The following EP400 variants were observed in gnomAD, a reference collection of about 807,000 sequenced individuals.
EP400 encodes E1A-binding protein p400.
EP400 carries 105 observed loss-of-function variants against 354.1 expected under a neutral mutation model. The observed-to-expected ratio is 0.30, with a 90% CI of 0.25 to 0.35. The LOEUF is 0.35. EP400 is among the 10% of genes least tolerant of loss of function. The probability of loss-of-function intolerance (pLI) is 1.00; values close to 1 mark genes in which losing one functional copy is unlikely to be tolerated. For missense variants in EP400, 3,280 were observed against 4,121.0 expected, an observed-to-expected ratio of 0.80 and a Z score of 5.59; for synonymous variants, 1,646 against 1,716.9, an observed-to-expected ratio of 0.96 and a Z score of 1.02.
chr12:131,961,046 C>T lies in EP400; in HGVS notation c.427C>T (p.Pro143Ser). ...GAGTCCCACGCAGCCCAGTCCGGGG[C>T]CGGGGCAGGCCTTGCAGAATGTGCG... ...TQSPTQPSPG[P>S]GQALQNVRAG... The change falls in exon 2 of 53, where the codon CCG becomes TCG. Residue 143 changes from proline (P) to serine (S), a missense_variant. Coordinates refer to ENST00000389561, the MANE Select transcript of EP400 (RefSeq NM_015409.5). 6.3e-7 allele frequency: 1 copy of T among 1,579,296 alleles called. No homozygotes were observed. The highest frequency in any genetic ancestry group is 8.6e-7 in the Non-Finnish European group (1 of 1,162,224).
At chr12:132,040,206 G>A (rs910693813) in intron 32 of EP400, among the ~76,000 whole-genome samples, 2 of 152,020 alleles carry the variant, frequency 1.3e-5, no homozygotes, top group African/African-American at 2.4e-5. Context: ...TCATCAAAAC[G>A]CAAAAGATAG....
At chr12:132,011,243 A>G (rs971613227) in intron 15 of EP400, among the ~76,000 whole-genome samples, 1 of 152,162 alleles carries the variant, frequency 6.6e-6, no homozygotes, top group African/African-American at 2.4e-5. Context: ...TGCTCGTTCA[A>G]TGTGTGTCTA....
rs967040719 is a variant in EP400 at position 132,028,109 on chromosome 12, C to G, written c.5202C>G (p.Asp1734Glu). 6.2e-7 allele frequency: 1 copy of G among 1,614,082 alleles called. No individual in the cohort carries two copies. Among genetic ancestry groups the G allele is most frequent in the Non-Finnish European group, 8.5e-7 (1 of 1,180,048 alleles). The change falls in exon 27 of 53, where the codon GAC becomes GAG. Residue 1734 changes from aspartate (D) to glutamate (E), a missense_variant. By Grantham distance (45) the Asp-to-Glu change is conservative. This residue lies in a region of EP400 where 459 missense variants were observed against 496.9 expected (regional missense o/e 0.92). Transcript: ENST00000389561. ...CTCAAGCTCCAGTCTATGGCAGAGA[C>G]TTGCTAAGGATTTGTGCCCTGCCTA... ...RCSQAPVYGRDLLRICALPSH... is the reference protein window; with the variant it reads ...RCSQAPVYGRELLRICALPSH...
intron 2 of EP400, among the ~76,000 whole-genome samples, chr12:131,978,368 A>G (rs1263398716): frequency 2.6e-5 from 4 of 152,042 alleles, no homozygotes; most frequent in African/African-American, 9.7e-5. Context: ...ACCGCCCTAG[A>G]AATGTCCCGT....
At chr12:132,021,586 C>T (rs1428783050) in intron 23 of EP400, among the ~76,000 whole-genome samples, 1 of 152,260 alleles carries the variant, frequency 6.6e-6, no homozygotes, top group Non-Finnish European at 1.5e-5. Flanking sequence ...TGCACTCACT[C>T]ACTGCTTTGG....
rs1304643957 is a variant in EP400 at position 132,062,669 on chromosome 12, G to C, written c.8302G>C (p.Ala2768Pro). 4 of 1,614,054 alleles carry C rather than the reference G, an allele frequency of 2.5e-6. No homozygotes were observed. In the African/African-American group the frequency reaches 5.3e-5, roughly 22 times the overall value. The change falls in exon 47 of 53, where the codon GCA becomes CCA. Residue 2768 changes from alanine (A) to proline (P), a missense_variant. Coordinates refer to ENST00000389561, the MANE Select transcript of EP400 (RefSeq NM_015409.5). ...PQIQGQAQSP[A>P]QIKAVGKLTP... ...GATCCAGGGCCAGGCCCAGTCCCCA[G>C]CACAGATCAAAGCTGTGGGCAAGCT... is the stretch of plus-strand genomic sequence containing the variant.
chr12:132,002,055 G>T (rs1281400122), intron 12 of EP400, among the ~76,000 whole-genome samples: 1 of 152,136 alleles, frequency 6.6e-6, no homozygotes, highest in Non-Finnish European at 1.5e-5. Flanking sequence ...GTTACTTTAG[G>T]CCTGACAGTG....
At chr12:132,032,819 C>T (rs1894566269) in intron 30 of EP400, among the ~76,000 whole-genome samples, 3 of 151,968 alleles carry the variant, frequency 2.0e-5, no homozygotes, top group South Asian at 2.1e-4. Flanking sequence ...TTAGTAGAGA[C>T]GGAGTTTTAC....
Position 132,018,416 on chromosome 12 carries a change from AG to A in EP400, c.4277+43del, listed in dbSNP as rs756861406. 1 of 1,565,530 alleles carries A rather than the reference AG, an allele frequency of 6.4e-7. No individual in the cohort carries two copies. Among genetic ancestry groups the A allele is most frequent in the East Asian group, 2.2e-5 (1 of 44,574 alleles). On this transcript the variant is annotated intron_variant, in intron 21 of 52. Transcript: ENST00000389561. This position sits in a 1 kb window ranked among gnomAD's most constrained non-coding sequence, Gnocchi z 4.0. ...GAGGCAGCGGGGAGGGTTGGCTCCC[AG>A]GGCCCCCACAGCTGACCCAGGTCTA... is the stretch of plus-strand genomic sequence containing the variant.
intron 2 of EP400, among the ~76,000 whole-genome samples, chr12:131,968,290 T>C (rs1892170574): frequency 1.3e-5 from 2 of 152,222 alleles, no homozygotes; most frequent in South Asian, 4.1e-4. Flanking sequence ...ATATAAGAAA[T>C]TTGCATGTGA....
At chr12:132,044,598 A>AG (rs1220712305) in intron 35 of EP400, 73 bp from the exon 36 acceptor site, 16 of 1,556,486 alleles carry the variant, frequency 1.0e-5, no homozygotes, top group Non-Finnish European at 1.3e-5. Flanking sequence ...ATGAGTATGA[A>AG]GGTACATGAT....
chr12:132,061,799 G>A (rs896531566), intron 45 of EP400, among the ~76,000 whole-genome samples: 8 of 152,360 alleles, frequency 5.3e-5, no homozygotes, highest in Non-Finnish European at 7.3e-5. Context: ...CAGTCGTTAC[G>A]TTCCTGGGGA....
chr12:131,976,139 GT>G (rs1892464865), intron 2 of EP400, among the ~76,000 whole-genome samples: 1 of 151,962 alleles, frequency 6.6e-6, no homozygotes, highest in African/African-American at 2.4e-5. Context: ...ATTTCTTCTT[GT>G]CTTTTATTGC....
chr12:132,004,022 G>C (rs957976446), intron 12 of EP400, among the ~76,000 whole-genome samples: 2 of 151,212 alleles, frequency 1.3e-5, no homozygotes, highest in Non-Finnish European at 2.9e-5. Flanking sequence ...TCCCCTGTTA[G>C]ATCTACCACT....
chr12:132,050,566 T>G lies in EP400; in HGVS notation c.7338-33T>G. The G allele has an allele frequency of 6.2e-7, 1 of 1,613,900 alleles. No individual in the cohort carries two copies. The highest frequency in any genetic ancestry group is 1.1e-5 in the South Asian group (1 of 91,070). On this transcript the variant is annotated intron_variant, in intron 40 of 52. Transcript: ENST00000389561. The surrounding 1 kb of genome is among the most constrained non-coding windows in gnomAD (Gnocchi z 4.8). ...ACCCTTCTTCAGATATTTCCTTTAT[T>G]TAATAATTGCTGTCTCACTGTCTAT...
intron 2 of EP400, among the ~76,000 whole-genome samples, chr12:131,978,522 GT>G (rs922635761): frequency 2.6e-5 from 4 of 151,518 alleles, no homozygotes; most frequent in African/African-American, 9.7e-5. Context: ...TTCATTTTTT[GT>G]TTTTTTTAAA....
rs1314877894 is a variant in EP400 at position 132,062,272 on chromosome 12, C to G, written c.8047C>G (p.Leu2683Val). 6.2e-7 allele frequency: 1 copy of G among 1,614,228 alleles called. No individual in the cohort carries two copies. ...VTASAVVTTNLTPVQTPARSL... is the reference protein window; with the variant it reads ...VTASAVVTTNVTPVQTPARSL... ...AGCCTCGGCCGTGGTCACTACCAAC[C>G]TGACCCCAGTGCAGACCCCGGCACG... Residue 2683 changes from leucine to valine, a missense_variant, in exon 46 of 53, where the codon CTG becomes GTG. Physicochemically the swap from Leu to Val is conservative, Grantham distance 32 (BLOSUM62 1). Around this residue, in one of 20 missense-constraint regions of EP400, gnomAD observed 255 missense variants for 295.9 expected, o/e 0.86. Transcript: ENST00000389561.
intron 1 of EP400, among the ~76,000 whole-genome samples, chr12:131,952,176 G>A (rs1839684625): frequency 6.6e-6 from 1 of 151,286 alleles, no homozygotes; most frequent in Non-Finnish European, 1.5e-5. Flanking sequence ...GGTGGTGGGT[G>A]CCTGTAGTCC....
chr12:132,006,301 C>T lies in EP400; in HGVS notation c.3125C>T (p.Ser1042Leu), dbSNP rs373685933. The T allele has an allele frequency of 2.4e-5, 38 of 1,613,654 alleles. No individual in the cohort carries two copies. Among genetic ancestry groups the T allele is most frequent in the African/African-American group, 1.6e-4 (12 of 74,934 alleles). ...LPKGSARVTT[S>L]VKFNAPSLLY... ...AAGGGCAGTGCTCGGGTCACAACCT[C>T]GGTGAGGCGCTAAGCTTTCAAGTGT... Residue 1042 changes from serine (S) to leucine (L), a missense_variant and splice_region_variant, in exon 14 of 53, where the codon TCG (serine) becomes TTG (leucine). Around this residue, in one of 20 missense-constraint regions of EP400, gnomAD observed 800 missense variants for 840.0 expected, o/e 0.95. Transcript: ENST00000389561.
Sources: gnomAD v4.1 joint callset for allele counts (sites outside exome capture counted in the v4.1 genomes callset) on GRCh38, gnomAD v4.1.1 for gene constraint, gnomAD v4.1.1 regional missense constraint, Gnocchi (gnomAD v3.1) non-coding constraint, MANE v1.5 for transcripts, NCBI Gene and HGNC (gene_info 2026-07-23, HGNC 2026-07-21) for gene names.